Variants in DMD observed in about 807,000 individuals in gnomAD.
DMD encodes the protein dystrophin, also known as mutant dystrophin.
In DMD, 63 loss-of-function variants were observed where a neutral mutation model predicts 330.1. The ratio of observed to expected loss-of-function variants is 0.19; its 90% CI spans 0.16 to 0.24. The LOEUF is 0.24. Among genes scored for constraint, DMD ranks in the 10% least tolerant of loss-of-function variants. The probability of loss-of-function intolerance (pLI) is 1.00; values close to 1 mark genes in which losing one functional copy is unlikely to be tolerated. For missense variants in DMD, 3,344 were observed against 2,684.1 expected (o/e 1.25, Z -5.43); for synonymous variants, 1,223 against 959.8 (o/e 1.27, Z -5.07).
intron 60 of DMD, among the ~76,000 whole-genome samples, chrX:31,353,644 G>C (rs1159476337): frequency 8.9e-6 from 1 of 111,876 alleles, no homozygotes; most frequent in Non-Finnish European, 1.9e-5. Flanking sequence ...ATCAGAAAAG[G>C]AAGAAATAGC....
At chrX:32,833,010 A>G (rs764940514) in intron 4 of DMD, among the ~76,000 whole-genome samples, 7 of 111,792 alleles carry the variant, frequency 6.3e-5, no homozygotes, top group Non-Finnish European at 1.3e-4. Flanking sequence ...GGTACTCACT[A>G]CAAAGATACT....
At chrX:32,510,990 G>A (rs1569565046) in intron 18 of DMD, among the ~76,000 whole-genome samples, 1 of 109,243 alleles carries the variant, frequency 9.2e-6, no homozygotes, top group Non-Finnish European at 1.9e-5. Context: ...GTGTGTGTAT[G>A]TACATATATG....
At chrX:31,877,344 A>G (rs760408913) in intron 47 of DMD, among the ~76,000 whole-genome samples, 4 of 111,348 alleles carry the variant, frequency 3.6e-5, no homozygotes, top group Non-Finnish European at 7.5e-5. Flanking sequence ...TGAATGGGAA[A>G]TGTTGGGCCT....
At chrX:32,097,324 C>T (rs1293129369) in intron 44 of DMD, among the ~76,000 whole-genome samples, 1 of 111,012 alleles carries the variant, frequency 9.0e-6, no homozygotes, top group Non-Finnish European at 1.9e-5. Context: ...TTGCTCAACT[C>T]CCAATTATGA....
At chrX:32,122,108 G>T (rs764448421) in intron 44 of DMD, among the ~76,000 whole-genome samples, 1 of 111,054 alleles carries the variant, frequency 9.0e-6, no homozygotes, top group Non-Finnish European at 1.9e-5. Context: ...TGTTTCCTTC[G>T]AATCTATAGG....
intron 54 of DMD, among the ~76,000 whole-genome samples, chrX:31,631,721 T>C (rs866339427): frequency 8.9e-6 from 1 of 111,881 alleles, no homozygotes; most frequent in Non-Finnish European, 1.9e-5. Context: ...CTGGGAGAAC[T>C]TGACCTCCTG....
At chrX:32,609,465 G>C (rs1274144002) in intron 12 of DMD, among the ~76,000 whole-genome samples, 1 of 110,818 alleles carries the variant, frequency 9.0e-6, no homozygotes, top group Non-Finnish European at 1.9e-5. Flanking sequence ...TATAGTACAA[G>C]ACATCGTAAA....
intron 51 of DMD, among the ~76,000 whole-genome samples, chrX:31,748,757 C>T (rs1229961497): frequency 9.0e-6 from 1 of 111,687 alleles, no homozygotes; most frequent in Non-Finnish European, 1.9e-5. Context: ...TTAATAATGA[C>T]CACCCCTCAA....
chrX:32,686,233 A>C (rs1405227417), intron 9 of DMD, among the ~76,000 whole-genome samples: 2 of 111,832 alleles, frequency 1.8e-5, no homozygotes, highest in African/African-American at 6.5e-5. Flanking sequence ...AAAATTAGGC[A>C]TGGGTATCCA....
intron 57 of DMD, among the ~76,000 whole-genome samples, chrX:31,495,123 G>C (rs780221544): frequency 6.6e-5 from 7 of 106,602 alleles, no homozygotes; most frequent in African/African-American, 2.4e-4. Context: ...ATGGCTAAAG[G>C]AGAAACTGGC....
Position 31,289,258 on chromosome X carries a change from A to T in DMD, c.9225-28242T>A, listed in dbSNP as rs916310517. 7.2e-4 allele frequency among the ~76,000 whole-genome samples: 62 copies of T among 86,327 alleles called. 1 individual carries two copies. Among genetic ancestry groups the T allele is most frequent in the Non-Finnish European group, 1.1e-3 (50 of 44,970 alleles). The allele number at this position is 86,327 out of a possible 115,157, so 75.0% of individuals were successfully genotyped here. A position where few individuals can be genotyped will look rare whatever the true frequency, so the allele number is the denominator to read the frequency against. On this transcript the variant is annotated intron_variant, in intron 62 of 78. Transcript: ENST00000357033. ...CCAGCCTGGGTGACAGAGCAAAAAAAAAAAAAATAAAAAATAAAATAAAAT... is the reference window on the plus strand; with the variant it reads ...CCAGCCTGGGTGACAGAGCAAAAAATAAAAAAATAAAAAATAAAATAAAAT...
intron 78 of DMD, among the ~76,000 whole-genome samples, chrX:31,124,704 C>T (rs2033376624): frequency 8.9e-6 from 1 of 111,965 alleles, no homozygotes; most frequent in Non-Finnish European, 1.9e-5. Context: ...GTATGTTTTT[C>T]AAGTTGGCGC....
At chrX:32,668,726 C>T (rs549165521) in intron 9 of DMD, among the ~76,000 whole-genome samples, 36 of 109,367 alleles carry the variant, frequency 3.3e-4, no homozygotes, top group African/African-American at 1.2e-3. Context: ...CCTATGCCAT[C>T]TTGCTCTCTG....
At position 33,074,183 on chromosome X, in the gene DMD, CAA is replaced by C. The variant is rs1488678344; in HGVS notation, c.32-53985_32-53984del. 4.5e-5 allele frequency among the ~76,000 whole-genome samples: 5 copies of C among 111,517 alleles called. No individual in the cohort carries two copies. In the South Asian group the frequency reaches 1.9e-3, roughly 42 times the overall value. On this transcript the variant is annotated intron_variant, in intron 1 of 78. Coordinates refer to ENST00000357033, the MANE Select transcript of DMD (RefSeq NM_004006.3). The stretch of plus-strand genomic sequence containing the variant: ...CACTGCTGATTGTTCAAACTGTGTT[CAA>C]ATAAGGCAAACAGCGAGCTGTAACC...
intron 51 of DMD, among the ~76,000 whole-genome samples, chrX:31,744,088 A>C (rs955184934): frequency 9.0e-6 from 1 of 111,195 alleles, no homozygotes; most frequent in Non-Finnish European, 1.9e-5. Context: ...GACTGGTCTC[A>C]AACTTCTGGG....
chrX:33,301,466 T>C (rs1160646203), intron 1 of DMD, among the ~76,000 whole-genome samples: 1 of 112,285 alleles, frequency 8.9e-6, no homozygotes, highest in East Asian at 2.8e-4. Flanking sequence ...GTGTATCTCA[T>C]TCCAATTCGA....
chrX:32,452,364 G>T (rs866904978), intron 26 of DMD, among the ~76,000 whole-genome samples: 3 of 15,299 alleles, frequency 2.0e-4, no homozygotes, highest in East Asian at 3.5e-3. Flanking sequence ...AAAGGGAAAG[G>T]GAAAGGGAAA....
chrX:31,616,446 T>C (rs1032220145), intron 55 of DMD, among the ~76,000 whole-genome samples: 1 of 111,158 alleles, frequency 9.0e-6, no homozygotes, highest in Non-Finnish European at 1.9e-5. Flanking sequence ...AGAAATAAGA[T>C]TGGAAACGAG....
At chrX:32,608,389 A>G (rs1370766167) in intron 12 of DMD, among the ~76,000 whole-genome samples, 1 of 110,372 alleles carries the variant, frequency 9.1e-6, no homozygotes, top group African/African-American at 3.3e-5. Flanking sequence ...TAAACTTCCA[A>G]TCATTTATGT....
Sources: gnomAD v4.1 joint callset for allele counts (sites outside exome capture counted in the v4.1 genomes callset) on GRCh38, gnomAD v4.1.1 for gene constraint, MANE v1.5 for transcripts, NCBI Gene and HGNC (gene_info 2026-07-23, HGNC 2026-07-21) for gene names.